The following FHIT variants were observed in gnomAD, a reference collection of about 807,000 sequenced individuals.
The protein encoded by FHIT is bis(5'-adenosyl)-triphosphatase.
In FHIT, 19 loss-of-function variants were observed where a neutral mutation model predicts 17.9. That is an observed-to-expected ratio of 1.06 (90% CI 0.74 to 1.56). The LOEUF (loss-of-function observed/expected upper bound fraction) is 1.56. Among genes scored for constraint, FHIT ranks in the 40% most tolerant of loss-of-function variants. The pLI, the probability that FHIT is intolerant of heterozygous loss-of-function variation, is 0.00. For synonymous variants in FHIT, 81 were observed against 69.7 expected (o/e 1.16, Z -0.81); for missense variants, 248 against 189.2 (o/e 1.31, Z -1.82).
At chr3:60,571,991 G>C (rs904712847) in intron 4 of FHIT, among the ~76,000 whole-genome samples, 1 of 152,136 alleles carries the variant, frequency 6.6e-6, no homozygotes, top group African/African-American at 2.4e-5. Context: ...TGACGGCTTG[G>C]ATCAAGGTAG....
rs1437624234 is a variant in FHIT, at chr3:59,752,347, C to T, written c.349-26G>A. 4.4e-6 allele frequency: 7 copies of T among 1,574,076 alleles called. No homozygotes were observed. The African/African-American group carries it at 6.8e-5, about 15-fold the overall frequency. On this transcript the variant is annotated intron_variant, in intron 8 of 9. Transcript: ENST00000492590. ...CTTTGGAGAAAAAAAAAGGAAGAGGCTCTTTCATGGGCCCTTGGGATCTCC... is the reference window on the plus strand; with the variant it reads ...CTTTGGAGAAAAAAAAAGGAAGAGGTTCTTTCATGGGCCCTTGGGATCTCC...
At chr3:60,302,705 C>T (rs983446487) in intron 5 of FHIT, among the ~76,000 whole-genome samples, 2 of 152,160 alleles carry the variant, frequency 1.3e-5, no homozygotes, top group Non-Finnish European at 2.9e-5. Flanking sequence ...TGACGTCTAA[C>T]ACATATACCT....
intron 4 of FHIT, among the ~76,000 whole-genome samples, chr3:60,721,293 G>A (rs549181766): frequency 1.3e-5 from 2 of 152,212 alleles, no homozygotes; most frequent in South Asian, 4.2e-4. Flanking sequence ...CTTCTGCTAT[G>A]TAAAAACATG....
chr3:60,763,859 T>C (rs1413761128), intron 4 of FHIT, among the ~76,000 whole-genome samples: 1 of 152,244 alleles, frequency 6.6e-6, no homozygotes, highest in Non-Finnish European at 1.5e-5. Context: ...CACTGCTTTT[T>C]ACTTCAGATA....
chr3:60,271,930 G>A (rs1706885973), intron 5 of FHIT, among the ~76,000 whole-genome samples: 1 of 152,146 alleles, frequency 6.6e-6, no homozygotes, highest in Non-Finnish European at 1.5e-5. Context: ...AGTACCAAGT[G>A]CTTTATGTAC....
intron 5 of FHIT, among the ~76,000 whole-genome samples, chr3:60,356,097 C>T (rs1201492823): frequency 6.6e-6 from 1 of 152,116 alleles, no homozygotes; most frequent in Non-Finnish European, 1.5e-5. Flanking sequence ...TTATTAGAAA[C>T]TAAAATACAT....
At chr3:61,221,484 T>C (rs2039836925) in intron 1 of FHIT, among the ~76,000 whole-genome samples, 1 of 152,228 alleles carries the variant, frequency 6.6e-6, no homozygotes, top group Non-Finnish European at 1.5e-5. Flanking sequence ...CATCATTACA[T>C]AGACCTCAGA....
chr3:60,195,270 T>C (rs1245413348), intron 5 of FHIT, among the ~76,000 whole-genome samples: 2 of 151,984 alleles, frequency 1.3e-5, no homozygotes, highest in African/African-American at 4.8e-5. Flanking sequence ...GATGTTGACA[T>C]GGATGTGGTA....
chr3:60,230,758 T>C (rs1576342047), intron 5 of FHIT, among the ~76,000 whole-genome samples: 2 of 152,210 alleles, frequency 1.3e-5, no homozygotes, highest in Admixed American at 6.5e-5. Context: ...CTGCTCAGGA[T>C]GGATTGCAGT....
chr3:60,273,327 A>C (rs1425057882), intron 5 of FHIT, among the ~76,000 whole-genome samples: 1 of 151,736 alleles, frequency 6.6e-6, no homozygotes, highest in African/African-American at 2.4e-5. Context: ...AGAAAGCCTC[A>C]GCCAGGCATG....
At chr3:60,056,081 G>A (rs1379364290) in intron 5 of FHIT, among the ~76,000 whole-genome samples, 1 of 152,228 alleles carries the variant, frequency 6.6e-6, no homozygotes, top group Non-Finnish European at 1.5e-5. Flanking sequence ...GAAGGTATCT[G>A]AGAGCACAGC....
intron 3 of FHIT, among the ~76,000 whole-genome samples, chr3:60,875,970 AATAG>A (rs1213957886): frequency 1.4e-4 from 14 of 102,220 alleles, no homozygotes; most frequent in African/African-American, 3.5e-4. Context: ...TGTGTAAATG[AATAG>A]ATATTCATTT....
intron 5 of FHIT, among the ~76,000 whole-genome samples, chr3:60,443,988 A>C (rs1176988129): frequency 6.6e-6 from 1 of 152,160 alleles, no homozygotes; most frequent in African/African-American, 2.4e-5. Context: ...ACTCAAACAA[A>C]TTTACAAGAA....
At chr3:60,160,808 G>C (rs942771288) in intron 5 of FHIT, among the ~76,000 whole-genome samples, 2 of 145,804 alleles carry the variant, frequency 1.4e-5, no homozygotes, top group African/African-American at 2.5e-5. Context: ...GTGAGAATGA[G>C]AGCATGTGTG....
chr3:60,418,557 C>CTTTT (rs11452248), intron 5 of FHIT, among the ~76,000 whole-genome samples: 26 of 95,180 alleles, frequency 2.7e-4, no homozygotes, highest in South Asian at 4.6e-4. Context: ...TCCCTCCCAA[C>CTTTT]TTTTTTTTTT....
rs1553641642 is a variant in FHIT, at chr3:59,986,578, C to CACACACATATAT, written c.279+24792_279+24793insATATATGTGTGT. Among the ~76,000 whole-genome samples the CACACACATATAT allele has an allele frequency of 2.9e-4, 17 of 58,358 alleles. 1 individual carries two copies. The highest frequency in any genetic ancestry group is 1.0e-3 in the African/African-American group (11 of 10,608). 38.3% of individuals were successfully genotyped at this position (58,358 alleles called of 152,430 possible). On this transcript the variant is annotated intron_variant, in intron 7 of 9. Transcript: ENST00000492590. The stretch of plus-strand genomic sequence containing the variant: ...ACACACACACACACACATATATACA[C>CACACACATATAT]ACACACACACACACACACATATATA...
intron 5 of FHIT, among the ~76,000 whole-genome samples, chr3:60,105,659 C>T (rs1212249713): frequency 6.6e-6 from 1 of 152,082 alleles, no homozygotes; most frequent in Admixed American, 6.6e-5. Context: ...CTTTGCTCTG[C>T]CATGTATAAT....
intron 2 of FHIT, among the ~76,000 whole-genome samples, chr3:61,050,685 G>A (rs905261794): frequency 6.6e-6 from 1 of 152,200 alleles, no homozygotes. Context: ...AAGTAAGATT[G>A]GCAAGATATT....
chr3:60,639,109 C>T (rs1248657101), intron 4 of FHIT, among the ~76,000 whole-genome samples: 4 of 148,504 alleles, frequency 2.7e-5, no homozygotes, highest in Admixed American at 1.4e-4. Context: ...CTGAGGTGAG[C>T]TCTATAGTTA....
Sources: allele counts gnomAD v4.1 joint callset (sites outside exome capture counted in the v4.1 genomes callset), GRCh38; gene constraint gnomAD v4.1.1; transcripts MANE v1.5; gene names NCBI Gene and HGNC (gene_info 2026-07-23, HGNC 2026-07-21).